CHST10: variants seen among roughly 807,000 people sequenced by gnomAD.
The protein encoded by CHST10 is HNK-1 sulfotransferase.
Under a neutral mutation model 34.7 loss-of-function variants are expected in CHST10, and 24 were observed. That is an observed-to-expected ratio of 0.69 (90% CI 0.50 to 0.97). The LOEUF (loss-of-function observed/expected upper bound fraction) is 0.97, where lower values mean the gene tolerates loss of function less well. Among genes scored for constraint, CHST10 ranks in the 50% least tolerant of loss-of-function variants. The probability of loss-of-function intolerance (pLI) is 0.00; values close to 1 mark genes in which losing one functional copy is unlikely to be tolerated. For synonymous variants in CHST10, 161 were observed against 169.3 expected, an observed-to-expected ratio of 0.95 and a Z score of 0.38; for missense variants, 402 against 452.1, an observed-to-expected ratio of 0.89 and a Z score of 1.00.
At chr2:100,416,571 G>C (rs777523234) in intron 1 of CHST10, 1 of 180,784 alleles carries the variant, frequency 5.5e-6, no homozygotes, top group African/African-American at 2.3e-5. Flanking sequence ...GAGAGCCAGA[G>C]CTAAACTGAG....
chr2:100,397,695 C>T (rs1558635355), intron 5 of CHST10, among the ~76,000 whole-genome samples: 1 of 152,176 alleles, frequency 6.6e-6, no homozygotes, highest in African/African-American at 2.4e-5. Context: ...TGTGGCTGTG[C>T]CCCTTTGAAA....
intron 3 of CHST10, 43 bp from the exon 4 acceptor site, chr2:100,402,698 G>C: frequency 6.5e-7 from 1 of 1,539,504 alleles, no homozygotes; most frequent in Non-Finnish European, 9.0e-7. Context: ...AAAGGAAAAG[G>C]CACACAGGTG....
intron 4 of CHST10, among the ~76,000 whole-genome samples, chr2:100,402,349 G>A (rs1167445451): frequency 6.6e-6 from 1 of 152,158 alleles, no homozygotes; most frequent in African/African-American, 2.4e-5. Context: ...GAGCAGCCCT[G>A]ATGCACAGAG....
Position 100,393,191 on chromosome 2 carries a change from C to T in CHST10, c.*54G>A, listed in dbSNP as rs1674874577. ...AGGGTCATTTCTGGGCTCAGATCTT[C>T]ACCTGGTTAGCCCCAGGTCTAATAA... On this transcript the variant is annotated 3_prime_UTR_variant, in exon 7 of 7. Coordinates refer to ENST00000264249, the MANE Select transcript of CHST10 (RefSeq NM_004854.5). 3 of 1,560,806 alleles carry T rather than the reference C, an allele frequency of 1.9e-6. No homozygotes were observed. The highest frequency in any genetic ancestry group is 2.6e-6 in the Non-Finnish European group (3 of 1,143,314).
rs1558631943 is a variant in CHST10, at chr2:100,393,674, C to T, written c.642G>A (p.Arg214=). The T allele has an allele frequency of 4.3e-6, 7 of 1,614,106 alleles. No individual in the cohort carries two copies. The highest frequency in any genetic ancestry group is 3.3e-5 in the South Asian group (3 of 91,078). The part of the protein sequence containing the change: ...VHNPRFEPWY[R]HEIAPGIIRK... The stretch of plus-strand genomic sequence containing the variant: ...TGATGATGCCAGGAGCAATCTCATG[C>T]CTGTACCAAGGCTCAAACCGGGGAT... Residue 214 remains arginine, a synonymous_variant, in exon 7 of 7, where the codon AGG becomes AGA. Transcript: ENST00000264249.
chr2:100,413,051 A>G (rs1030763978), intron 2 of CHST10, among the ~76,000 whole-genome samples: 2 of 152,140 alleles, frequency 1.3e-5, no homozygotes, highest in African/African-American at 4.8e-5. Context: ...TTTGCCTCCT[A>G]TCTGAGGATG....
intron 6 of CHST10, among the ~76,000 whole-genome samples, chr2:100,395,307 C>T (rs1306695307): frequency 6.6e-6 from 1 of 152,172 alleles, no homozygotes. Flanking sequence ...GAAGGTAAGG[C>T]TGGAAATTCT....
chr2:100,415,280 G>A (rs1049574089), intron 1 of CHST10, among the ~76,000 whole-genome samples, 169 bp from the exon 2 acceptor site: 2 of 152,176 alleles, frequency 1.3e-5, no homozygotes, highest in Non-Finnish European at 2.9e-5. Flanking sequence ...GGATTTCTTG[G>A]TAAATGAATA....
intron 1 of CHST10, chr2:100,417,053 C>A: frequency 7.7e-7 from 1 of 1,304,200 alleles, no homozygotes; most frequent in Non-Finnish European, 1.0e-6. Flanking sequence ...AAGCTGAACC[C>A]TTTCTTCCTC....
intron 3 of CHST10, 75 bp downstream of exon 3, chr2:100,406,501 A>G (rs7571659): frequency 0.059 from 92,361 of 1,573,342 alleles, 10,652 homozygotes; most frequent in African/African-American, 0.46. Flanking sequence ...GAAGTCATCT[A>G]TGCATGTACC....
intron 2 of CHST10, 108 bp downstream of exon 2, chr2:100,414,933 C>T: frequency 3.1e-6 from 2 of 642,418 alleles, no homozygotes; most frequent in South Asian, 3.7e-5. Context: ...CACACATTTA[C>T]ATACTCCTAA....
At chr2:100,398,193 G>C in intron 4 of CHST10, 51 bp from the exon 5 acceptor site, 1 of 1,409,724 alleles carries the variant, frequency 7.1e-7, no homozygotes, top group Non-Finnish European at 9.7e-7. Flanking sequence ...AAGGAGGCAG[G>C]ACCGGGCCAA....
intron 1 of CHST10, chr2:100,416,640 T>A (rs548427570): frequency 3.5e-6 from 1 of 285,426 alleles, no homozygotes; most frequent in Admixed American, 4.1e-5. Context: ...AGCAATGCAA[T>A]AACCCAACTC....
At chr2:100,404,241 C>T (rs1464277720) in intron 3 of CHST10, among the ~76,000 whole-genome samples, 1 of 152,204 alleles carries the variant, frequency 6.6e-6, no homozygotes, top group East Asian at 1.9e-4. Flanking sequence ...TCACTGAGTT[C>T]ACTGCACACT....
chr2:100,399,968 C>T (rs752670658), intron 4 of CHST10, among the ~76,000 whole-genome samples: 1 of 152,176 alleles, frequency 6.6e-6, no homozygotes, highest in Admixed American at 6.5e-5. Context: ...TCTCCTTGCT[C>T]TTACAAGAAC....
At chr2:100,412,214 G>A (rs190443185) in intron 2 of CHST10, among the ~76,000 whole-genome samples, 88 of 152,278 alleles carry the variant, frequency 5.8e-4, no homozygotes, top group African/African-American at 1.9e-3. Flanking sequence ...ATTCTAACCC[G>A]GCACAAGCAA....
rs1675397301 is a variant in CHST10, at chr2:100,402,645, G to C, written c.111C>G (p.Ala37=). Residue 37 remains alanine, a synonymous_variant, in exon 4 of 7, where the codon GCC becomes GCG. Transcript: ENST00000264249. The part of the protein sequence containing the change: ...LTFKDPDVYS[A]KQEFLFLTTM... ...TTGTCAGGAACAGAAACTCCTGTTT[G>C]GCACTGTACACTGGAAGACAGAGAG... is the stretch of plus-strand genomic sequence containing the variant. 9 of 1,613,866 alleles carry C rather than the reference G, an allele frequency of 5.6e-6. No homozygotes were observed. The highest frequency in any genetic ancestry group is 7.6e-6 in the Non-Finnish European group (9 of 1,179,840).
chr2:100,404,435 C>T (rs1289669548), intron 3 of CHST10, among the ~76,000 whole-genome samples: 1 of 152,324 alleles, frequency 6.6e-6, no homozygotes, highest in African/African-American at 2.4e-5. Context: ...AGGACCGCTG[C>T]GGTGCTCCTC....
intron 6 of CHST10, 24 bp downstream of exon 6, chr2:100,395,485 C>T (rs1573172206): frequency 1.3e-6 from 2 of 1,596,396 alleles, no homozygotes; most frequent in South Asian, 1.1e-5. Flanking sequence ...ACTCCCCCCT[C>T]CCCTTTGAGG....
Sources: allele counts gnomAD v4.1 joint callset (sites outside exome capture counted in the v4.1 genomes callset), GRCh38; gene constraint gnomAD v4.1.1; transcripts MANE v1.5; gene names NCBI Gene and HGNC (gene_info 2026-07-23, HGNC 2026-07-21).